Variants in WDR27 observed in about 807,000 individuals in gnomAD.
WDR27 encodes WD repeat domain 27.
A neutral mutation model predicts 114.4 loss-of-function variants in WDR27; 100 were observed. That is an observed-to-expected ratio of 0.87 (90% CI 0.74 to 1.03). The LOEUF is 1.03. Among genes scored for constraint, WDR27 ranks in the 50% least tolerant of loss-of-function variants. WDR27 has a pLI of 0.00. For synonymous variants in WDR27, 449 were observed against 423.1 expected (o/e 1.06, Z -0.75); for missense variants, 1,129 against 1,092.9 (o/e 1.03, Z -0.47).
chr6:169,693,619 T>C (rs541921854), intron 1 of WDR27, among the ~76,000 whole-genome samples: 3 of 151,122 alleles, frequency 2.0e-5, no homozygotes, highest in African/African-American at 7.3e-5. Context: ...TCACATAAAC[T>C]TAAGGTAAAG....
intron 17 of WDR27, among the ~76,000 whole-genome samples, chr6:169,641,996 G>A (rs7742944): frequency 0.97 from 147,232 of 152,348 alleles, 71,144 homozygotes; most frequent in East Asian, 1. Context: ...GAAAAATTCT[G>A]AAATCTAAAG....
intron 23 of WDR27, among the ~76,000 whole-genome samples, chr6:169,583,463 T>TTGTGTG (rs150919690): frequency 9.7e-6 from 1 of 103,554 alleles, no homozygotes; most frequent in Admixed American, 1.3e-4. Flanking sequence ...TCCTCTTTAA[T>TTGTGTG]TGTGTGTGTG....
At chr6:169,598,362 C>G (rs1807251890) in intron 23 of WDR27, among the ~76,000 whole-genome samples, 1 of 152,212 alleles carries the variant, frequency 6.6e-6, no homozygotes, top group African/African-American at 2.4e-5. Context: ...GAGCCAGAAT[C>G]TGGCAAGGCT....
At chr6:169,667,287 A>G in intron 5 of WDR27, 100 bp from the exon 6 acceptor site, 1 of 1,286,492 alleles carries the variant, frequency 7.8e-7, no homozygotes, top group Non-Finnish European at 9.9e-7. Context: ...TAGTCAACAC[A>G]AATGGTTATC....
At position 169,660,758 on chromosome 6, in the gene WDR27, G is replaced by A. The variant is rs1562853553; in HGVS notation, c.1034C>T (p.Ser345Phe). The change falls in exon 10 of 26, where the codon TCT (serine) becomes TTT (phenylalanine). Residue 345 changes from serine (S) to phenylalanine (F), a missense_variant. Coordinates refer to ENST00000448612, the MANE Select transcript of WDR27 (RefSeq NM_182552.5). ...GATCCACACACATCGGGTGTTCTCA[G>A]AAGAAAGACTGATTTAAGGAAAAAA... ...IPNSACGCLS[S>F]ENTRCVWIGS... 7 of 1,613,470 alleles carry A rather than the reference G, an allele frequency of 4.3e-6. No individual in the cohort carries two copies. The highest frequency in any genetic ancestry group is 1.7e-5 in the Admixed American group (1 of 60,030).
At chr6:169,631,596 A>G (rs1032384967) in intron 21 of WDR27, among the ~76,000 whole-genome samples, 12 of 152,080 alleles carry the variant, frequency 7.9e-5, no homozygotes, top group African/African-American at 2.9e-4. Flanking sequence ...ACTACCCCAC[A>G]CTGCCAAGTC....
chr6:169,502,093 C>G (rs778479217), intron 25 of WDR27, among the ~76,000 whole-genome samples: 1 of 152,312 alleles, frequency 6.6e-6, no homozygotes, highest in Non-Finnish European at 1.5e-5. Flanking sequence ...GCAGCCGCCC[C>G]GGGGCTGCGG....
At chr6:169,558,855 T>C (rs529066514) in intron 25 of WDR27, 8 of 152,340 alleles carry the variant, frequency 5.3e-5, no homozygotes, top group African/African-American at 1.7e-4. Context: ...ATCCACAGCA[T>C]AGCAGGCTTC....
intron 25 of WDR27, among the ~76,000 whole-genome samples, chr6:169,470,006 C>T (rs1015443199): frequency 1.3e-5 from 2 of 152,178 alleles, no homozygotes; most frequent in Non-Finnish European, 2.9e-5. Flanking sequence ...AGGAACCATG[C>T]CATTCCTTCA....
rs1788180941 is a variant in WDR27, at chr6:169,701,894, C to A, written c.-351G>T. ...GCTCGGGTTCGGCGCCGACTCCGCG[C>A]CGAGACCAGCCCGCTAGGGGAGGAC... On this transcript the variant is annotated 5_prime_UTR_variant, in exon 1 of 26. Coordinates refer to ENST00000448612, the MANE Select transcript of WDR27 (RefSeq NM_182552.5). The A allele has an allele frequency of 3.0e-6, 1 of 336,632 alleles. No homozygotes were observed. Among genetic ancestry groups the A allele is most frequent in the Non-Finnish European group, 5.8e-6 (1 of 172,980 alleles). 20.9% of individuals were successfully genotyped at this position (336,632 alleles called of 1,614,324 possible).
chr6:169,492,144 A>G (rs1177649473), intron 25 of WDR27, among the ~76,000 whole-genome samples: 2 of 152,116 alleles, frequency 1.3e-5, no homozygotes, highest in Non-Finnish European at 2.9e-5. Context: ...TCAAATAAAA[A>G]TAAGAAATTA....
At chr6:169,560,680 A>G (rs1799560573) in intron 25 of WDR27, among the ~76,000 whole-genome samples, 1 of 152,246 alleles carries the variant, frequency 6.6e-6, no homozygotes, top group South Asian at 2.1e-4. Flanking sequence ...TATCCAGTAC[A>G]TACAATCATT....
the WDR27 span, among the ~76,000 whole-genome samples, chr6:169,444,669 GTT>G: frequency 0.024 from 3,385 of 138,822 alleles, 121 homozygotes; most frequent in African/African-American, 0.082. Context: ...CTGTTTTTTT[GTT>G]TTTTTTTTTT....
intron 19 of WDR27, among the ~76,000 whole-genome samples, chr6:169,635,230 G>A (rs963663247): frequency 2.6e-5 from 4 of 151,942 alleles, no homozygotes; most frequent in African/African-American, 9.7e-5. Context: ...GCCAGGTGTG[G>A]TTGGGGGGCA....
chr6:169,547,406 G>C (rs1232285379), intron 25 of WDR27, among the ~76,000 whole-genome samples: 1 of 152,074 alleles, frequency 6.6e-6, no homozygotes, highest in African/African-American at 2.4e-5. Context: ...TTCTCATGTA[G>C]ACAGATGCAA....
chr6:169,461,996 G>A (rs988278706), intron 25 of WDR27, among the ~76,000 whole-genome samples: 21 of 151,906 alleles, frequency 1.4e-4, no homozygotes, highest in African/African-American at 4.8e-4. Context: ...TTGTAAGAAA[G>A]TACTATTAAC....
intron 9 of WDR27, 35 bp from the exon 10 acceptor site, chr6:169,660,801 A>C (rs1825865833): frequency 5.7e-6 from 9 of 1,587,514 alleles, no homozygotes; most frequent in African/African-American, 1.3e-5. Context: ...AATACACAAT[A>C]ATCTTATTCC....
the WDR27 span, among the ~76,000 whole-genome samples, chr6:169,428,242 C>T: frequency 6.6e-6 from 1 of 152,188 alleles, no homozygotes; most frequent in Non-Finnish European, 1.5e-5. Flanking sequence ...GTCTCTCTTG[C>T]CCTGCTTTTT....
intron 25 of WDR27, among the ~76,000 whole-genome samples, chr6:169,540,784 A>T (rs1371305517): frequency 6.6e-6 from 1 of 152,104 alleles, no homozygotes; most frequent in African/African-American, 2.4e-5. Flanking sequence ...GTCCACCTGC[A>T]TGAACCTGGA....
Sources: allele counts gnomAD v4.1 joint callset (sites outside exome capture counted in the v4.1 genomes callset), GRCh38; gene constraint gnomAD v4.1.1; transcripts MANE v1.5; gene names NCBI Gene and HGNC (gene_info 2026-07-23, HGNC 2026-07-21).